The following RGS7 variants were observed in gnomAD, a reference collection of about 807,000 sequenced individuals.
RGS7 encodes the protein regulator of G-protein signaling 7.
In RGS7, 27 loss-of-function variants were observed where a neutral mutation model predicts 81.1. That is an observed-to-expected ratio of 0.33 (90% CI 0.25 to 0.46). RGS7 has a LOEUF of 0.46. RGS7 is among the 20% of genes least tolerant of loss of function. The pLI, the probability that RGS7 is intolerant of heterozygous loss-of-function variation, is 1.00. For missense variants in RGS7, 396 were observed against 607.4 expected (o/e 0.65, Z 3.66); for synonymous variants, 208 against 207.7 (o/e 1.00, Z -0.01).
At chr1:241,252,043 CT>C in intron 2 of RGS7, among the ~76,000 whole-genome samples, 1 of 150,042 alleles carries the variant, frequency 6.7e-6, no homozygotes. Flanking sequence ...TTCTTTCTTT[CT>C]TTTTCTTTTT....
rs78471202 is a variant in RGS7 at position 241,030,309 on chromosome 1, C to A, written c.176-47180G>T. Among the ~76,000 whole-genome samples, 553 of 146,520 alleles carry A rather than the reference C, an allele frequency of 3.8e-3. 4 individuals carry two copies. The highest frequency in any genetic ancestry group is 0.019 in the East Asian group (98 of 5,156). ...TGATAAATATGGATTTCTACCCTCC[C>A]ACAGGGCTTGGAATAATGATTGAGT... On this transcript the variant is annotated intron_variant, in intron 3 of 18. Transcript: ENST00000440928.
intron 2 of RGS7, among the ~76,000 whole-genome samples, chr1:241,221,033 G>GAAA (rs2074937849): frequency 1.0e-5 from 1 of 96,036 alleles, no homozygotes; most frequent in African/African-American, 3.7e-5. Context: ...AAGGAAGGAA[G>GAAA]GAAGGAAAAG....
chr1:240,908,010 C>CT (rs1339686246), intron 6 of RGS7, among the ~76,000 whole-genome samples: 1 of 151,760 alleles, frequency 6.6e-6, no homozygotes, highest in African/African-American at 2.4e-5. Flanking sequence ...TTTAAGGAGT[C>CT]TCCTTACAAA....
chr1:240,889,822 C>T (rs187783), intron 6 of RGS7, among the ~76,000 whole-genome samples: 73,949 of 151,820 alleles, frequency 0.49, 18,173 homozygotes, highest in South Asian at 0.54. Context: ...CCTGAGATGA[C>T]GGTGATCTGA....
chr1:240,881,532 T>G (rs1386285399), intron 6 of RGS7, among the ~76,000 whole-genome samples: 1 of 152,192 alleles, frequency 6.6e-6, no homozygotes, highest in African/African-American at 2.4e-5. Flanking sequence ...AAAATAATTC[T>G]TCAAATAAAG....
At chr1:241,261,016 T>G in intron 2 of RGS7, among the ~76,000 whole-genome samples, 1 of 151,770 alleles carries the variant, frequency 6.6e-6, no homozygotes, top group African/African-American at 2.4e-5. Context: ...GGCACATGTA[T>G]ACGTATGTAA....
chr1:241,341,000 T>C (rs955645224), intron 2 of RGS7, among the ~76,000 whole-genome samples: 2 of 152,298 alleles, frequency 1.3e-5, no homozygotes, highest in Admixed American at 6.5e-5. Context: ...CTAGGCAGCA[T>C]TATTCAGTAG....
At chr1:240,826,004 G>A (rs982723848) in intron 10 of RGS7, among the ~76,000 whole-genome samples, 1 of 152,140 alleles carries the variant, frequency 6.6e-6, no homozygotes, top group South Asian at 2.1e-4. Context: ...ACTTTTTGGA[G>A]AGCCGATAGC....
At chr1:241,107,750 C>T (rs577526126) in intron 2 of RGS7, among the ~76,000 whole-genome samples, 1 of 152,224 alleles carries the variant, frequency 6.6e-6, no homozygotes, top group Non-Finnish European at 1.5e-5. Context: ...TTAATGCTGA[C>T]AAGTTTATAT....
intron 3 of RGS7, among the ~76,000 whole-genome samples, chr1:241,013,173 G>A (rs1456707340): frequency 7.4e-5 from 11 of 148,424 alleles, no homozygotes; most frequent in Admixed American, 2.1e-4. Flanking sequence ...AGCGATTCTC[G>A]TGCCTCAGCC....
chr1:240,912,508 A>G (rs1486606602), intron 6 of RGS7, among the ~76,000 whole-genome samples: 4 of 152,164 alleles, frequency 2.6e-5, no homozygotes. Context: ...GTCACAGGCA[A>G]GTCAGGGCCA....
At chr1:240,987,558 G>T (rs1351271466) in intron 3 of RGS7, among the ~76,000 whole-genome samples, 1 of 150,450 alleles carries the variant, frequency 6.6e-6, no homozygotes, top group Non-Finnish European at 1.5e-5. Flanking sequence ...TTGAAGACAG[G>T]GTCTCACTCA....
intron 3 of RGS7, among the ~76,000 whole-genome samples, chr1:241,023,732 T>A (rs2148704091): frequency 6.6e-6 from 1 of 152,114 alleles, no homozygotes; most frequent in Admixed American, 6.5e-5. Context: ...ACAATGCTTT[T>A]CATATTGATT....
intron 6 of RGS7, among the ~76,000 whole-genome samples, chr1:240,880,904 T>C (rs1333686184): frequency 6.6e-6 from 1 of 152,206 alleles, no homozygotes; most frequent in Non-Finnish European, 1.5e-5. Flanking sequence ...TTTTGCTTTC[T>C]TTTTATTCTT....
At chr1:241,162,493 A>G (rs1032371550) in intron 2 of RGS7, among the ~76,000 whole-genome samples, 1 of 152,218 alleles carries the variant, frequency 6.6e-6, no homozygotes, top group Admixed American at 6.5e-5. Flanking sequence ...CTGCCAAGGT[A>G]TAAAACCCCA....
intron 3 of RGS7, among the ~76,000 whole-genome samples, chr1:241,026,199 G>C (rs528358319): frequency 6.6e-6 from 1 of 152,188 alleles, no homozygotes; most frequent in African/African-American, 2.4e-5. Flanking sequence ...GTCTAGTGGT[G>C]TGCCTCACAC....
intron 10 of RGS7, among the ~76,000 whole-genome samples, chr1:240,818,534 C>T (rs536194283): frequency 6.6e-6 from 1 of 152,244 alleles, no homozygotes; most frequent in South Asian, 2.1e-4. Flanking sequence ...ATAAAACAAC[C>T]TTCTGAATTC....
At chr1:241,023,677 C>T (rs2059650270) in intron 3 of RGS7, among the ~76,000 whole-genome samples, 1 of 152,246 alleles carries the variant, frequency 6.6e-6, no homozygotes, top group Admixed American at 6.5e-5. Context: ...CCTTAAATAA[C>T]ATCTTCCTTG....
At chr1:241,110,618 CATTTT>C (rs369282796) in intron 2 of RGS7, among the ~76,000 whole-genome samples, 10 of 143,542 alleles carry the variant, frequency 7.0e-5, no homozygotes, top group African/African-American at 1.8e-4. Flanking sequence ...CTGAGTTTGC[CATTTT>C]ATTTTATTAT....
Sources: allele counts gnomAD v4.1 joint callset (sites outside exome capture counted in the v4.1 genomes callset), GRCh38; gene constraint gnomAD v4.1.1; transcripts MANE v1.5; gene names NCBI Gene and HGNC (gene_info 2026-07-23, HGNC 2026-07-21).